RIMS1: variants seen among roughly 807,000 people sequenced by gnomAD.
RIMS1 encodes the protein regulating synaptic membrane exocytosis 1.
RIMS1 carries 83 observed loss-of-function variants against 214.1 expected under a neutral mutation model. That is an observed-to-expected ratio of 0.39 (90% confidence interval 0.32 to 0.47). RIMS1 has a LOEUF of 0.47. RIMS1 is among the 20% of genes least tolerant of loss of function. The probability of loss-of-function intolerance (pLI) is 0.99; values close to 1 mark genes in which losing one functional copy is unlikely to be tolerated. For missense variants in RIMS1, 2,050 were observed against 2,161.8 expected, an observed-to-expected ratio of 0.95 and a Z score of 1.03; for synonymous variants, 793 against 786.8, an observed-to-expected ratio of 1.01 and a Z score of -0.13.
At chr6:72,355,606 A>G (rs1258874948) in intron 29 of RIMS1, among the ~76,000 whole-genome samples, 21 of 152,158 alleles carry the variant, frequency 1.4e-4, no homozygotes, top group Admixed American at 1.2e-3. Context: ...ACACTGAAAA[A>G]TTGTGCAGCA....
At chr6:72,313,939 A>G (rs1450315644) in intron 28 of RIMS1, among the ~76,000 whole-genome samples, 1 of 152,166 alleles carries the variant, frequency 6.6e-6, no homozygotes, top group Non-Finnish European at 1.5e-5. Context: ...CTTTAGTCCA[A>G]CATCAGAAAG....
chr6:72,282,579 T>C (rs2090666961), intron 23 of RIMS1, among the ~76,000 whole-genome samples: 1 of 152,072 alleles, frequency 6.6e-6, no homozygotes, highest in African/African-American at 2.4e-5. Flanking sequence ...CTCTCTTTGC[T>C]GTATAGTATA....
chr6:71,993,961 T>C (rs533318065), intron 2 of RIMS1, among the ~76,000 whole-genome samples: 12 of 152,318 alleles, frequency 7.9e-5, no homozygotes, highest in Admixed American at 3.3e-4. Flanking sequence ...GCAATTTCGA[T>C]AGTCAATATT....
At chr6:71,931,604 TC>T (rs1160936531) in intron 1 of RIMS1, among the ~76,000 whole-genome samples, 1 of 152,032 alleles carries the variant, frequency 6.6e-6, no homozygotes, top group Non-Finnish European at 1.5e-5. Flanking sequence ...CTTTTTTTTT[TC>T]TTGTAAATTT....
intron 2 of RIMS1, among the ~76,000 whole-genome samples, chr6:72,095,472 A>G (rs2031248885): frequency 2.0e-5 from 3 of 152,222 alleles, no homozygotes; most frequent in South Asian, 2.1e-4. Flanking sequence ...AATATCACAT[A>G]TATTCCTTTA....
At chr6:72,243,198 C>G (rs1367576603) in intron 10 of RIMS1, among the ~76,000 whole-genome samples, 1 of 151,464 alleles carries the variant, frequency 6.6e-6, no homozygotes, top group Admixed American at 6.6e-5. Flanking sequence ...TTTCCCTATT[C>G]TCCAAAATTT....
intron 29 of RIMS1, among the ~76,000 whole-genome samples, chr6:72,334,213 T>C (rs9358997): frequency 6.6e-6 from 1 of 151,892 alleles, no homozygotes; most frequent in African/African-American, 2.4e-5. Context: ...ATATCTATAC[T>C]TTTTATAGAA....
At chr6:72,395,351 C>T (rs1288445823) in intron 31 of RIMS1, among the ~76,000 whole-genome samples, 3 of 151,940 alleles carry the variant, frequency 2.0e-5, no homozygotes, top group African/African-American at 7.2e-5. Flanking sequence ...AAAGCTTCTT[C>T]ATGCAATTTC....
intron 2 of RIMS1, among the ~76,000 whole-genome samples, chr6:71,972,918 T>C (rs1362714047): frequency 6.6e-6 from 1 of 152,152 alleles, no homozygotes; most frequent in Non-Finnish European, 1.5e-5. Context: ...ACGGATTTTT[T>C]GTTTGTTTGT....
chr6:71,896,656 A>G (rs764281272), intron 1 of RIMS1, among the ~76,000 whole-genome samples: 6 of 152,198 alleles, frequency 3.9e-5, no homozygotes, highest in Non-Finnish European at 8.8e-5. Flanking sequence ...GGAAAAGACT[A>G]AATACTCAAG....
At chr6:71,978,518 G>T (rs1311288970) in intron 2 of RIMS1, among the ~76,000 whole-genome samples, 1 of 151,922 alleles carries the variant, frequency 6.6e-6, no homozygotes, top group African/African-American at 2.4e-5. Context: ...TAAAATATAT[G>T]CTAGATACAA....
intron 4 of RIMS1, chr6:72,175,429 T>C: frequency 2.7e-6 from 1 of 373,390 alleles, no homozygotes; most frequent in South Asian, 2.1e-5. Flanking sequence ...TCCCAGCACT[T>C]TGGGAGGCTG....
chr6:72,196,364 TGTCTGTC>T (rs2050876144), intron 6 of RIMS1, among the ~76,000 whole-genome samples: 1 of 119,040 alleles, frequency 8.4e-6, no homozygotes, highest in Admixed American at 8.7e-5. Flanking sequence ...TCTGTCTGTC[TGTCTGTC>T]TGTCTGTCTA....
intron 1 of RIMS1, among the ~76,000 whole-genome samples, chr6:71,944,317 T>C (rs559292011): frequency 6.6e-6 from 1 of 152,320 alleles, no homozygotes; most frequent in Non-Finnish European, 1.5e-5. Context: ...AGAAAATAGA[T>C]GTATAAGCAT....
chr6:72,399,429 CTAGA>C (rs905845378), intron 33 of RIMS1, among the ~76,000 whole-genome samples: 3 of 151,632 alleles, frequency 2.0e-5, no homozygotes, highest in African/African-American at 7.3e-5. Flanking sequence ...TATGTCCTCA[CTAGA>C]TAGATAGATG....
intron 1 of RIMS1, among the ~76,000 whole-genome samples, chr6:71,948,461 A>G (rs1204249339): frequency 6.6e-6 from 1 of 152,172 alleles, no homozygotes; most frequent in African/African-American, 2.4e-5. Context: ...TTATGATGAC[A>G]CTAATTGTAA....
chr6:72,218,932 G>A (rs2057371830), intron 6 of RIMS1, among the ~76,000 whole-genome samples: 1 of 152,104 alleles, frequency 6.6e-6, no homozygotes. Flanking sequence ...ATTTTATGGG[G>A]TGCTGCTGTT....
At chr6:71,920,969 T>G (rs115205933) in intron 1 of RIMS1, among the ~76,000 whole-genome samples, 1,903 of 152,316 alleles carry the variant, frequency 0.012, 32 homozygotes, top group African/African-American at 0.042. Context: ...GGTGATTATT[T>G]GCACATGTAA....
intron 1 of RIMS1, among the ~76,000 whole-genome samples, 179 bp from the exon 2 acceptor site, chr6:71,968,804 T>C (rs1034354577): frequency 2.0e-5 from 3 of 152,216 alleles, no homozygotes; most frequent in Non-Finnish European, 4.4e-5. Flanking sequence ...ATTGAGCTTT[T>C]GGAAGCCTGA....
Sources: allele counts gnomAD v4.1 joint callset (sites outside exome capture counted in the v4.1 genomes callset), GRCh38; gene constraint gnomAD v4.1.1; transcripts MANE v1.5; gene names NCBI Gene and HGNC (gene_info 2026-07-23, HGNC 2026-07-21).